NCAM2: variants seen among roughly 807,000 people sequenced by gnomAD.
The protein encoded by NCAM2 is neural cell adhesion molecule 2, also known as N-CAM-2.
A neutral mutation model predicts 98.1 loss-of-function variants in NCAM2; 30 were observed. The ratio of observed to expected loss-of-function variants is 0.31; its 90% CI spans 0.23 to 0.41. NCAM2 has a LOEUF of 0.41. NCAM2 is among the 10% of genes least tolerant of loss of function. The pLI is 1.00. For synonymous variants in NCAM2, 368 were observed against 342.4 expected (o/e 1.07, Z -0.83); for missense variants, 867 against 1,005.8 (o/e 0.86, Z 1.87).
chr21:21,427,688 C>T (rs2077244712), intron 11 of NCAM2, among the ~76,000 whole-genome samples: 1 of 152,108 alleles, frequency 6.6e-6, no homozygotes, highest in Admixed American at 6.6e-5. Flanking sequence ...TCAGTGACTC[C>T]AGAGATTGTA....
rs1460470785 is a variant in NCAM2 at position 21,003,760 on chromosome 21, C to G, written c.55+5142C>G. The stretch of plus-strand genomic sequence containing the variant: ...AAGTTATTGATAAGGGCGACTCATT[C>G]ATCATTTATTCATTTATCTAACATT... On this transcript the variant is annotated intron_variant, in intron 1 of 17. Transcript: ENST00000400546. Among the ~76,000 whole-genome samples, 5 of 152,250 alleles carry G rather than the reference C, an allele frequency of 3.3e-5. No homozygotes were observed. In the East Asian group the frequency reaches 9.7e-4, roughly 29 times the overall value.
rs189258956 is a variant in NCAM2, at chr21:21,253,973, A to G, written c.56-26605A>G. Among the ~76,000 whole-genome samples, 102 of 152,346 alleles carry G rather than the reference A, an allele frequency of 6.7e-4. 1 individual carries two copies. The East Asian group carries it at 0.017, about 25-fold the overall frequency. ...AATTTTCAAAATGCAGAGGGATTAT[A>G]AAATTTAAGACCTATGGAGGATGCC... On this transcript the variant is annotated intron_variant, in intron 1 of 17. Coordinates refer to ENST00000400546, the MANE Select transcript of NCAM2 (RefSeq NM_004540.5).
intron 1 of NCAM2, among the ~76,000 whole-genome samples, chr21:21,271,671 T>C (rs1601829408): frequency 1.3e-5 from 2 of 152,178 alleles, no homozygotes. Context: ...TACTCATGTA[T>C]GACTGATAGG....
At chr21:21,478,087 T>C (rs1301284696) in intron 15 of NCAM2, among the ~76,000 whole-genome samples, 1 of 152,174 alleles carries the variant, frequency 6.6e-6, no homozygotes, top group Non-Finnish European at 1.5e-5. Flanking sequence ...AGTATGTTAG[T>C]AATATTATGA....
At chr21:21,307,875 G>A (rs1355971448) in intron 5 of NCAM2, among the ~76,000 whole-genome samples, 1 of 152,008 alleles carries the variant, frequency 6.6e-6, no homozygotes, top group African/African-American at 2.4e-5. Context: ...GATGAAAAGG[G>A]GATCATGTGA....
chr21:21,314,748 C>T (rs1445692638), intron 5 of NCAM2, among the ~76,000 whole-genome samples: 1 of 145,306 alleles, frequency 6.9e-6, no homozygotes, highest in Non-Finnish European at 1.5e-5. Flanking sequence ...CAATTCAGCA[C>T]ATCCATGAAT....
intron 1 of NCAM2, among the ~76,000 whole-genome samples, chr21:21,246,391 G>C (rs935447732): frequency 6.6e-6 from 1 of 152,038 alleles, no homozygotes; most frequent in Non-Finnish European, 1.5e-5. Flanking sequence ...TTTGATAGCA[G>C]AAATAGATAA....
At chr21:21,239,242 T>G (rs756953723) in intron 1 of NCAM2, 1 of 152,172 alleles carries the variant, frequency 6.6e-6, no homozygotes. Context: ...ATTAAAAATA[T>G]ATATAAAATG....
At chr21:21,373,543 T>A (rs2075967405) in intron 8 of NCAM2, among the ~76,000 whole-genome samples, 2 of 151,848 alleles carry the variant, frequency 1.3e-5, no homozygotes, top group Admixed American at 1.3e-4. Context: ...TAAAGTGTGC[T>A]TGGACAGAAA....
At chr21:21,137,425 T>G (rs1327298256) in intron 1 of NCAM2, among the ~76,000 whole-genome samples, 1 of 152,180 alleles carries the variant, frequency 6.6e-6, no homozygotes, top group African/African-American at 2.4e-5. Flanking sequence ...CTAAATCAGG[T>G]GAGAGACTTC....
intron 1 of NCAM2, among the ~76,000 whole-genome samples, chr21:21,038,849 G>C (rs1293658246): frequency 6.6e-6 from 1 of 152,152 alleles, no homozygotes; most frequent in Non-Finnish European, 1.5e-5. Flanking sequence ...GCATGGCTCT[G>C]TGTGAGGAAT....
At chr21:21,262,854 A>T (rs1029827919) in intron 1 of NCAM2, among the ~76,000 whole-genome samples, 1 of 151,996 alleles carries the variant, frequency 6.6e-6, no homozygotes, top group African/African-American at 2.4e-5. Flanking sequence ...CAAGTCTCAG[A>T]TGGCAGCAGA....
chr21:21,491,136 T>C (rs939114313), intron 15 of NCAM2, among the ~76,000 whole-genome samples: 18 of 151,954 alleles, frequency 1.2e-4, no homozygotes, highest in African/African-American at 4.1e-4. Context: ...GGATAACCCA[T>C]ACATCATCAG....
intron 8 of NCAM2, among the ~76,000 whole-genome samples, chr21:21,342,297 G>A (rs2147894292): frequency 6.6e-6 from 1 of 152,320 alleles, no homozygotes; most frequent in Non-Finnish European, 1.5e-5. Flanking sequence ...TGGATCAGAA[G>A]TTTGAGTAAG....
At chr21:21,270,924 A>T (rs540718671) in intron 1 of NCAM2, among the ~76,000 whole-genome samples, 2 of 151,840 alleles carry the variant, frequency 1.3e-5, no homozygotes, top group East Asian at 3.9e-4. Flanking sequence ...TAAAACAGAT[A>T]TTCTCATCTT....
chr21:21,374,019 T>A lies in NCAM2; in HGVS notation c.1195+6T>A, dbSNP rs2075978083. The A allele has an allele frequency of 6.3e-7, 1 of 1,595,262 alleles. No homozygotes were observed. Among genetic ancestry groups the A allele is most frequent in the South Asian group, 1.1e-5 (1 of 87,630 alleles). ...CATGTACCTTGATATTGAATGTAAG[T>A]TACTTTCCTTTGTATTTTCATTAAA... On this transcript the variant is annotated splice_donor_region_variant and intron_variant, in intron 9 of 17. Coordinates refer to ENST00000400546, the MANE Select transcript of NCAM2 (RefSeq NM_004540.5).
At chr21:21,304,353 C>T (rs1304378968) in intron 5 of NCAM2, among the ~76,000 whole-genome samples, 4 of 151,440 alleles carry the variant, frequency 2.6e-5, no homozygotes, top group South Asian at 2.1e-4. Context: ...TGTGAATGTC[C>T]GATTTTTCAT....
intron 12 of NCAM2, among the ~76,000 whole-genome samples, chr21:21,450,042 T>A (rs901221585): frequency 8.5e-5 from 13 of 152,144 alleles, no homozygotes; most frequent in Non-Finnish European, 1.8e-4. Context: ...CTGATTTGCC[T>A]TTTTACAAAA....
At chr21:21,526,082 T>G (rs1989305985) in intron 16 of NCAM2, among the ~76,000 whole-genome samples, 1 of 151,994 alleles carries the variant, frequency 6.6e-6, no homozygotes, top group African/African-American at 2.4e-5. Flanking sequence ...CCCCACTATA[T>G]CCTCTCTCAC....
Sources: gnomAD v4.1 joint callset for allele counts (sites outside exome capture counted in the v4.1 genomes callset) on GRCh38, gnomAD v4.1.1 for gene constraint, MANE v1.5 for transcripts, NCBI Gene and HGNC (gene_info 2026-07-23, HGNC 2026-07-21) for gene names.